ADORA2B: variants seen among roughly 807,000 people sequenced by gnomAD.
ADORA2B encodes adenosine receptor A2b.
In ADORA2B, 18 loss-of-function variants were observed where a neutral mutation model predicts 20.8. The ratio of observed to expected loss-of-function variants is 0.87; its 90% CI spans 0.60 to 1.29. The LOEUF is 1.29. Ranked by LOEUF, ADORA2B falls within the 50% of genes most tolerant of loss-of-function variation. ADORA2B has a pLI of 0.00. For synonymous variants in ADORA2B, 179 were observed against 178.3 expected (o/e 1.00, Z -0.03); for missense variants, 441 against 422.7 (o/e 1.04, Z -0.38).
At chr17:15,902,242 G>A in the ADORA2B span, among the ~76,000 whole-genome samples, 3 of 149,940 alleles carry the variant, frequency 2.0e-5, no homozygotes, top group East Asian at 2.0e-4. Context: ...AGACAGTCTC[G>A]CTCTGTCATT....
At chr17:15,872,663 G>C in the ADORA2B span, among the ~76,000 whole-genome samples, 1 of 152,094 alleles carries the variant, frequency 6.6e-6, no homozygotes, top group African/African-American at 2.4e-5. Context: ...TTGTTTTGCA[G>C]CTGCTGTAAA....
the ADORA2B span, among the ~76,000 whole-genome samples, chr17:15,855,750 A>G: frequency 1.8e-3 from 267 of 152,248 alleles, no homozygotes; most frequent in Admixed American, 4.3e-3. Flanking sequence ...TACAATGGGT[A>G]TATTGTGGGA....
chr17:15,974,724 T>A lies in ADORA2B; in HGVS notation c.381T>A (p.Ala127=), dbSNP rs760786278. The A allele has an allele frequency of 1.9e-6, 3 of 1,614,198 alleles. No homozygotes were observed. In the South Asian group the frequency reaches 3.3e-5, roughly 18 times the overall value. ...GGACCCGAGCAAGAGGGGTCATTGC[T>A]GTCCTCTGGGTCCTTGCCTTTGGCA... ...VTGTRARGVI[A]VLWVLAFGIG... is the part of the protein sequence containing the mutation. The change falls in exon 2 of 2, where the codon GCT becomes GCA. Residue 127 remains alanine, a synonymous_variant. Transcript: ENST00000304222.
At chr17:15,898,397 G>A in the ADORA2B span, among the ~76,000 whole-genome samples, 297 of 151,212 alleles carry the variant, frequency 2.0e-3, 3 homozygotes, top group African/African-American at 6.8e-3. Context: ...GGTTTCAAGC[G>A]ATTCTCCTGC....
chr17:15,917,542 C>T, the ADORA2B span, among the ~76,000 whole-genome samples: 1 of 152,240 alleles, frequency 6.6e-6, no homozygotes, highest in Non-Finnish European at 1.5e-5. Context: ...GGACCCCTTC[C>T]CCCTGCCCAG....
At position 15,947,907 on chromosome 17, in the gene ADORA2B, G is replaced by C. The variant is rs548065124; in HGVS notation, c.335+2324G>C. Among the ~76,000 whole-genome samples the C allele has an allele frequency of 3.3e-5, 5 of 152,340 alleles. No individual in the cohort carries two copies. In the East Asian group the frequency reaches 9.6e-4, roughly 29 times the overall value. On this transcript the variant is annotated intron_variant, in intron 1 of 1. Coordinates refer to ENST00000304222, the MANE Select transcript of ADORA2B (RefSeq NM_000676.4). ...GTCCAGCGATCTAAGAATCCTCCTA[G>C]ATTCAGGGCCTGAAGCTTTCCTCAC...
chr17:15,974,260 C>T (rs536944838), intron 1 of ADORA2B: 1 of 168,578 alleles, frequency 5.9e-6, no homozygotes, highest in Non-Finnish European at 1.3e-5. Flanking sequence ...ACAGAGAAAC[C>T]TTTAGGCCAA....
the ADORA2B span, among the ~76,000 whole-genome samples, chr17:15,905,169 A>T: frequency 6.6e-6 from 1 of 152,236 alleles, no homozygotes; most frequent in East Asian, 1.9e-4. Flanking sequence ...AGGAACACAG[A>T]ATATATCTTC....
At chr17:15,902,366 G>A in the ADORA2B span, among the ~76,000 whole-genome samples, 1 of 152,088 alleles carries the variant, frequency 6.6e-6, no homozygotes. Flanking sequence ...ATCATGCCTG[G>A]CTAATTTTTG....
At chr17:15,928,857 C>T in the ADORA2B span, among the ~76,000 whole-genome samples, 1 of 152,072 alleles carries the variant, frequency 6.6e-6, no homozygotes, top group Non-Finnish European at 1.5e-5. Flanking sequence ...CCTGAGTGGT[C>T]AGAGTGGCTG....
Position 15,974,837 on chromosome 17 carries a change from G to C in ADORA2B, c.494G>C (p.Ser165Thr). 1.9e-6 allele frequency: 3 copies of C among 1,614,148 alleles called. No individual in the cohort carries two copies. Among genetic ancestry groups the C allele is most frequent in the Non-Finnish European group, 2.5e-6 (3 of 1,180,032 alleles). The change falls in exon 2 of 2, where the codon AGC (serine) becomes ACC (threonine). Residue 165 changes from serine (S) to threonine (T), a missense_variant. By Grantham distance (58) the Ser-to-Thr change is moderately conservative. Transcript: ENST00000304222. ...TEPWDGTTNE[S>T]CCLVKCLFEN... ...CCCTGGGATGGAACCACGAATGAAA[G>C]CTGCTGCCTTGTGAAGTGTCTCTTT...
chr17:15,915,603 A>G, the ADORA2B span, among the ~76,000 whole-genome samples: 1 of 144,896 alleles, frequency 6.9e-6, no homozygotes, highest in South Asian at 2.2e-4. Context: ...TAGGTGATAG[A>G]TAGACAGGTG....
the ADORA2B span, among the ~76,000 whole-genome samples, chr17:15,897,335 A>C: frequency 4.6e-5 from 7 of 152,194 alleles, no homozygotes; most frequent in African/African-American, 1.7e-4. Flanking sequence ...AGGGAGGCTG[A>C]GGCAGGAGGA....
intron 1 of ADORA2B, among the ~76,000 whole-genome samples, chr17:15,969,491 T>C (rs188218890): frequency 2.0e-5 from 3 of 152,052 alleles, no homozygotes; most frequent in Non-Finnish European, 4.4e-5. Flanking sequence ...ATCTGTCCCT[T>C]TTTCCTGCAT....
chr17:15,894,358 G>C, the ADORA2B span, among the ~76,000 whole-genome samples: 1 of 152,226 alleles, frequency 6.6e-6, no homozygotes, highest in Non-Finnish European at 1.5e-5. Context: ...TAGATGAGGG[G>C]AGACAGTGGC....
At chr17:15,967,904 T>C (rs541554578) in intron 1 of ADORA2B, among the ~76,000 whole-genome samples, 13 of 152,258 alleles carry the variant, frequency 8.5e-5, no homozygotes, top group African/African-American at 3.1e-4. Context: ...CGAAAAGGCA[T>C]GATTCAGACT....
intron 1 of ADORA2B, chr17:15,974,459 G>A: frequency 2.0e-6 from 1 of 507,436 alleles, no homozygotes; most frequent in Non-Finnish European, 3.5e-6. Context: ...AAACAGAAAG[G>A]AGTTGCTAAG....
chr17:15,939,661 C>T, the ADORA2B span, among the ~76,000 whole-genome samples: 1 of 151,858 alleles, frequency 6.6e-6, no homozygotes, highest in Non-Finnish European at 1.5e-5. Flanking sequence ...AGATTGAGAC[C>T]ATCCTGGCTA....
chr17:15,881,782 CCTT>C, the ADORA2B span, among the ~76,000 whole-genome samples: 1 of 152,226 alleles, frequency 6.6e-6, no homozygotes, highest in African/African-American at 2.4e-5. Context: ...CATCTGTCCA[CCTT>C]CTTCTCTCCG....
Sources: gnomAD v4.1 joint callset for allele counts (sites outside exome capture counted in the v4.1 genomes callset) on GRCh38, gnomAD v4.1.1 for gene constraint, MANE v1.5 for transcripts, NCBI Gene and HGNC (gene_info 2026-07-23, HGNC 2026-07-21) for gene names.